Variants in NAALADL2 observed in about 807,000 individuals in gnomAD.
NAALADL2 encodes N-acetylated alpha-linked acidic dipeptidase like 2.
Under a neutral mutation model 87.2 loss-of-function variants are expected in NAALADL2, and 76 were observed. The ratio of observed to expected loss-of-function variants is 0.87; its 90% CI spans 0.72 to 1.05. NAALADL2 has a LOEUF of 1.05. Ranked by LOEUF, NAALADL2 falls within the 50% of genes least tolerant of loss-of-function variation. The probability of loss-of-function intolerance (pLI) is 0.00; values close to 1 mark genes in which losing one functional copy is unlikely to be tolerated. For synonymous variants in NAALADL2, 354 were observed against 331.0 expected (o/e 1.07, Z -0.75); for missense variants, 1,089 against 945.8 (o/e 1.15, Z -1.99).
At chr3:174,974,833 A>T (rs888489954) in intron 1 of NAALADL2, among the ~76,000 whole-genome samples, 7 of 152,096 alleles carry the variant, frequency 4.6e-5, no homozygotes, top group African/African-American at 1.7e-4. Context: ...AAAATATTGG[A>T]AGTATATTGG....
intron 2 of NAALADL2, among the ~76,000 whole-genome samples, chr3:174,627,788 G>A (rs1721723457): frequency 6.6e-6 from 1 of 152,134 alleles, no homozygotes; most frequent in Non-Finnish European, 1.5e-5. Flanking sequence ...ATGTCTTTTG[G>A]AGCAACATGG....
chr3:174,825,233 A>G (rs1455991206), intron 3 of NAALADL2, among the ~76,000 whole-genome samples: 1 of 152,246 alleles, frequency 6.6e-6, no homozygotes, highest in Non-Finnish European at 1.5e-5. Context: ...GGCTGGCAGT[A>G]TAATTCAGTT....
At chr3:174,929,694 A>G (rs1736596107) in intron 1 of NAALADL2, among the ~76,000 whole-genome samples, 1 of 152,156 alleles carries the variant, frequency 6.6e-6, no homozygotes, top group South Asian at 2.1e-4. Flanking sequence ...TGGACTATGT[A>G]TAGGAGTGGA....
In NAALADL2 at chr3:175,154,600, G is replaced by C. The variant is rs537733997; in HGVS notation, c.545+57309G>C. Reference sequence around the variant, plus strand: ...ATGTAAGAACACTGTGTGTATACTTGCTTGTTTTCATTATTAATAATATCA... The same window carrying C: ...ATGTAAGAACACTGTGTGTATACTTCCTTGTTTTCATTATTAATAATATCA... On this transcript the variant is annotated intron_variant, in intron 2 of 13. Transcript: ENST00000454872. Among the ~76,000 whole-genome samples the C allele has an allele frequency of 6.6e-5, 10 of 152,164 alleles. No homozygotes were observed. The South Asian group carries it at 2.1e-3, about 32-fold the overall frequency.
chr3:175,349,965 G>T (rs1303726949), intron 5 of NAALADL2, among the ~76,000 whole-genome samples: 1 of 148,078 alleles, frequency 6.8e-6, no homozygotes, highest in Admixed American at 6.9e-5. Context: ...AATCCCATGG[G>T]TCTTCTTCTA....
chr3:175,707,829 CATAAG>C (rs2149990310), intron 11 of NAALADL2, among the ~76,000 whole-genome samples: 1 of 151,942 alleles, frequency 6.6e-6, no homozygotes, highest in Admixed American at 6.6e-5. Flanking sequence ...GTTTGTAAGA[CATAAG>C]GTAAGTATGA....
chr3:175,381,113 C>T (rs1057486853), intron 5 of NAALADL2, among the ~76,000 whole-genome samples: 1 of 151,810 alleles, frequency 6.6e-6, no homozygotes, highest in Non-Finnish European at 1.5e-5. Context: ...TTGTAAGCAT[C>T]TTATAGTTCA....
At chr3:175,711,375 G>T (rs1001170366) in intron 11 of NAALADL2, among the ~76,000 whole-genome samples, 1 of 151,730 alleles carries the variant, frequency 6.6e-6, no homozygotes, top group Non-Finnish European at 1.5e-5. Flanking sequence ...ATCATTCAAA[G>T]AATCAATTTT....
In NAALADL2 at chr3:175,180,235, TAA is replaced by T. The variant is rs574106425; in HGVS notation, c.546-53691_546-53690del. ...CAATGAAAATTTAAATTTATTTAAA[TAA>T]AAAAGTCAGAACAAAAATTATATCA... On this transcript the variant is annotated intron_variant, in intron 2 of 13. Coordinates refer to ENST00000454872, the MANE Select transcript of NAALADL2 (RefSeq NM_207015.3). Among the ~76,000 whole-genome samples, 661 of 152,088 alleles carry T rather than the reference TAA, an allele frequency of 4.3e-3. 8 individuals are homozygous for T. The highest frequency in any genetic ancestry group is 0.015 in the African/African-American group (606 of 41,538).
intron 2 of NAALADL2, among the ~76,000 whole-genome samples, chr3:174,653,550 G>A (rs1046865265): frequency 2.6e-5 from 4 of 152,126 alleles, no homozygotes; most frequent in African/African-American, 9.7e-5. Flanking sequence ...CATGAGCTGA[G>A]AGGCTGGAAC....
chr3:175,653,002 T>C (rs541679693), intron 11 of NAALADL2, among the ~76,000 whole-genome samples: 4 of 152,314 alleles, frequency 2.6e-5, no homozygotes, highest in African/African-American at 9.6e-5. Context: ...ATATGTATTG[T>C]ACACTGTATT....
intron 6 of NAALADL2, among the ~76,000 whole-genome samples, chr3:175,459,221 AAT>A (rs1411472825): frequency 6.6e-6 from 1 of 152,174 alleles, no homozygotes; most frequent in African/African-American, 2.4e-5. Context: ...AAGAGAATAA[AAT>A]ATGTTAGCAA....
At chr3:175,399,679 G>A (rs561954072) in intron 5 of NAALADL2, among the ~76,000 whole-genome samples, 1 of 152,132 alleles carries the variant, frequency 6.6e-6, no homozygotes, top group East Asian at 1.9e-4. Context: ...ACTGCAACCT[G>A]TTTTGTCAGC....
At chr3:174,640,832 GGA>G (rs1434051888) in intron 2 of NAALADL2, among the ~76,000 whole-genome samples, 1 of 152,212 alleles carries the variant, frequency 6.6e-6, no homozygotes, top group Non-Finnish European at 1.5e-5. Context: ...TTTAGTTATA[GGA>G]GAGGGCACTC....
intron 3 of NAALADL2, among the ~76,000 whole-genome samples, chr3:174,840,007 A>G (rs1379180184): frequency 1.3e-5 from 2 of 152,068 alleles, no homozygotes; most frequent in Non-Finnish European, 2.9e-5. Flanking sequence ...CTGGGTATCT[A>G]CCCAGAGGAA....
intron 9 of NAALADL2, among the ~76,000 whole-genome samples, chr3:175,492,744 T>C (rs1728281300): frequency 6.6e-6 from 1 of 152,130 alleles, no homozygotes; most frequent in South Asian, 2.1e-4. Flanking sequence ...TGTATAGGTA[T>C]ATACATATAC....
intron 1 of NAALADL2, among the ~76,000 whole-genome samples, chr3:174,527,531 AAAAG>A (rs1202837189): frequency 1.8e-4 from 28 of 152,004 alleles, no homozygotes; most frequent in African/African-American, 6.8e-4. Context: ...AAAAAAAAAA[AAAAG>A]AAAGTCTTTT....
At chr3:175,707,150 ATGT>A (rs1305812619) in intron 11 of NAALADL2, among the ~76,000 whole-genome samples, 1 of 152,070 alleles carries the variant, frequency 6.6e-6, no homozygotes, top group Non-Finnish European at 1.5e-5. Flanking sequence ...ACATGTGCAG[ATGT>A]TGTTCTGGAC....
At chr3:175,192,624 T>C (rs1738376727) in intron 2 of NAALADL2, among the ~76,000 whole-genome samples, 1 of 152,010 alleles carries the variant, frequency 6.6e-6, no homozygotes, top group East Asian at 1.9e-4. Flanking sequence ...ATTTTCTCAG[T>C]GGGAAAAATC....
Sources: allele counts gnomAD v4.1 joint callset (sites outside exome capture counted in the v4.1 genomes callset), GRCh38; gene constraint gnomAD v4.1.1; transcripts MANE v1.5; gene names NCBI Gene and HGNC (gene_info 2026-07-23, HGNC 2026-07-21).